The following FBXL17 variants were observed in gnomAD, a reference collection of about 807,000 sequenced individuals.
FBXL17 encodes F-box/LRR-repeat protein 17.
Under a neutral mutation model 66.2 loss-of-function variants are expected in FBXL17, and 22 were observed. The ratio of observed to expected loss-of-function variants is 0.33; its 90% CI spans 0.24 to 0.47. FBXL17 has a LOEUF of 0.47. FBXL17 is among the 20% of genes least tolerant of loss of function. The pLI, the probability that FBXL17 is intolerant of heterozygous loss-of-function variation, is 1.00. For synonymous variants in FBXL17, 474 were observed against 400.5 expected (o/e 1.18, Z -2.19); for missense variants, 878 against 948.2 (o/e 0.93, Z 0.97).
chr5:107,944,290 A>T (rs1463587204), intron 7 of FBXL17, among the ~76,000 whole-genome samples: 1 of 152,186 alleles, frequency 6.6e-6, no homozygotes, highest in East Asian at 1.9e-4. Flanking sequence ...TAAACTTCCA[A>T]ATGAATGTAA....
intron 8 of FBXL17, among the ~76,000 whole-genome samples, chr5:107,870,102 C>A (rs1272522479): frequency 6.6e-6 from 1 of 152,088 alleles, no homozygotes; most frequent in Non-Finnish European, 1.5e-5. Flanking sequence ...GGGAGCCAGG[C>A]ATCAATATTT....
At chr5:108,157,544 T>C (rs1006594142) in intron 6 of FBXL17, among the ~76,000 whole-genome samples, 7 of 151,542 alleles carry the variant, frequency 4.6e-5, no homozygotes, top group African/African-American at 1.7e-4. Context: ...AAACAGTCTG[T>C]GAAGGCTCAA....
At chr5:108,051,956 CAA>C (rs1311081995) in intron 6 of FBXL17, among the ~76,000 whole-genome samples, 1 of 151,292 alleles carries the variant, frequency 6.6e-6, no homozygotes, top group Non-Finnish European at 1.5e-5. Flanking sequence ...TAAAAAAATA[CAA>C]AAAAACTAGC....
chr5:108,284,192 G>A lies in FBXL17; in HGVS notation c.1507-59964C>T, dbSNP rs763703782. ...AGCAATTCTGCTACTGGGCATCTAC[G>A]CAAAGGAAAAGAAATCAAAAAAGAT... On this transcript the variant is annotated intron_variant, in intron 4 of 8. Coordinates refer to ENST00000542267, the MANE Select transcript of FBXL17 (RefSeq NM_001163315.3). Among the ~76,000 whole-genome samples, 6 of 151,770 alleles carry A rather than the reference G, an allele frequency of 4.0e-5. No individual in the cohort carries two copies. In the South Asian group the frequency reaches 6.2e-4, roughly 16 times the overall value.
At chr5:108,163,307 A>G (rs1368362013) in intron 6 of FBXL17, among the ~76,000 whole-genome samples, 1 of 152,116 alleles carries the variant, frequency 6.6e-6, no homozygotes, top group Non-Finnish European at 1.5e-5. Flanking sequence ...TTATTGTGAC[A>G]CCAAAGGCAA....
chr5:108,249,599 A>G (rs1756257527), intron 4 of FBXL17, among the ~76,000 whole-genome samples: 1 of 152,168 alleles, frequency 6.6e-6, no homozygotes, highest in South Asian at 2.1e-4. Context: ...CTTGTATAAG[A>G]GTACAGCCTA....
At chr5:108,242,349 TTTGTTGTTGTTGTTGTTGTTGTTG>T (rs70996988) in intron 4 of FBXL17, among the ~76,000 whole-genome samples, 4 of 146,924 alleles carry the variant, frequency 2.7e-5, no homozygotes, top group East Asian at 4.1e-4. Context: ...GCCTGGCTAG[TTTGTTGTTGTTGTTGTTGTTGTTG>T]TTGTTGTTGT....
chr5:107,867,453 T>G (rs889954604), intron 8 of FBXL17, among the ~76,000 whole-genome samples: 2 of 152,224 alleles, frequency 1.3e-5, no homozygotes, highest in African/African-American at 4.8e-5. Context: ...GGCATGCTAA[T>G]GATCCTGGAC....
At chr5:107,881,858 A>T (rs928779670) in intron 7 of FBXL17, among the ~76,000 whole-genome samples, 1 of 152,172 alleles carries the variant, frequency 6.6e-6, no homozygotes, top group Admixed American at 6.5e-5. Flanking sequence ...TCGTCTGTAA[A>T]CTATGAGAGT....
intron 7 of FBXL17, among the ~76,000 whole-genome samples, chr5:108,011,151 G>A (rs1489712450): frequency 6.6e-6 from 1 of 152,178 alleles, no homozygotes; most frequent in African/African-American, 2.4e-5. Flanking sequence ...GGACATGTTT[G>A]TTTTGTTTTT....
chr5:108,157,084 G>C (rs1752023125), intron 6 of FBXL17, among the ~76,000 whole-genome samples: 1 of 149,676 alleles, frequency 6.7e-6, no homozygotes, highest in African/African-American at 2.5e-5. Context: ...GTTAGATCTA[G>C]CTCTTAGATA....
chr5:107,961,777 A>G (rs1039460412), intron 7 of FBXL17, among the ~76,000 whole-genome samples: 2 of 152,170 alleles, frequency 1.3e-5, no homozygotes, highest in Non-Finnish European at 2.9e-5. Flanking sequence ...GAGACAGCCT[A>G]TCTCATGGTT....
chr5:108,326,705 C>T (rs1296634862), intron 4 of FBXL17, among the ~76,000 whole-genome samples: 2 of 152,094 alleles, frequency 1.3e-5, no homozygotes, highest in South Asian at 2.1e-4. Context: ...TCATTAGACA[C>T]AGGGCTAACC....
At chr5:108,259,089 G>A (rs559682075) in intron 4 of FBXL17, among the ~76,000 whole-genome samples, 2 of 152,132 alleles carry the variant, frequency 1.3e-5, no homozygotes, top group African/African-American at 4.8e-5. Flanking sequence ...TAAGTCTTCG[G>A]CGACTATCAG....
At chr5:108,157,242 T>A (rs1260294007) in intron 6 of FBXL17, among the ~76,000 whole-genome samples, 4 of 150,148 alleles carry the variant, frequency 2.7e-5, no homozygotes, top group Admixed American at 6.6e-5. Context: ...GAGAAAAAAA[T>A]TAAATAAATA....
At chr5:108,282,722 C>A (rs780010178) in intron 4 of FBXL17, among the ~76,000 whole-genome samples, 17 of 151,442 alleles carry the variant, frequency 1.1e-4, no homozygotes, top group Non-Finnish European at 2.1e-4. Flanking sequence ...GTCAAATTAT[C>A]CCTGTTTGCT....
At chr5:108,256,535 T>TCCATATCTCCAAATA (rs913935310) in intron 4 of FBXL17, among the ~76,000 whole-genome samples, 1 of 152,184 alleles carries the variant, frequency 6.6e-6, no homozygotes, top group Admixed American at 6.5e-5. Flanking sequence ...GGAATTTACT[T>TCCATATCTCCAAATA]CCATATCTCC....
intron 6 of FBXL17, among the ~76,000 whole-genome samples, chr5:108,021,910 G>C (rs1358817850): frequency 6.6e-6 from 1 of 151,714 alleles, no homozygotes; most frequent in Non-Finnish European, 1.5e-5. Context: ...TAGGAAGTAA[G>C]GATCAAGTAA....
intron 7 of FBXL17, among the ~76,000 whole-genome samples, chr5:107,979,107 A>G (rs1752704760): frequency 6.6e-6 from 1 of 152,228 alleles, no homozygotes; most frequent in Non-Finnish European, 1.5e-5. Context: ...CCAGTTCCTG[A>G]CATACATTAA....
Sources: gnomAD v4.1 joint callset for allele counts (sites outside exome capture counted in the v4.1 genomes callset) on GRCh38, gnomAD v4.1.1 for gene constraint, MANE v1.5 for transcripts, NCBI Gene and HGNC (gene_info 2026-07-23, HGNC 2026-07-21) for gene names.